Variants in CDH18 observed in about 807,000 individuals in gnomAD.
CDH18 encodes the protein cadherin 18, also known as cadherin-18.
A neutral mutation model predicts 67.9 loss-of-function variants in CDH18; 31 were observed. The observed-to-expected ratio is 0.46, with a 90% confidence interval of 0.34 to 0.62. CDH18 has a LOEUF of 0.62. Among genes scored for constraint, CDH18 ranks in the 20% least tolerant of loss-of-function variants. The pLI, the probability that CDH18 is intolerant of heterozygous loss-of-function variation, is 0.01. For synonymous variants in CDH18, 362 were observed against 347.2 expected (o/e 1.04, Z -0.48); for missense variants, 890 against 975.5 (o/e 0.91, Z 1.17).
chr5:20,184,346 C>A (rs1737927681), intron 2 of CDH18, among the ~76,000 whole-genome samples: 1 of 152,022 alleles, frequency 6.6e-6, no homozygotes, highest in Non-Finnish European at 1.5e-5. Flanking sequence ...ATGATAAAAT[C>A]AAATACAAGT....
chr5:20,025,465 A>G (rs1738814792), intron 2 of CDH18, among the ~76,000 whole-genome samples: 1 of 152,152 alleles, frequency 6.6e-6, no homozygotes, highest in African/African-American at 2.4e-5. Context: ...TTTATACTCA[A>G]TTGGTCACAT....
At chr5:19,974,288 T>G (rs919038095) in intron 2 of CDH18, among the ~76,000 whole-genome samples, 1 of 151,744 alleles carries the variant, frequency 6.6e-6, no homozygotes, top group Non-Finnish European at 1.5e-5. Context: ...TTCCACCAAT[T>G]TGGGAGGCCG....
intron 2 of CDH18, among the ~76,000 whole-genome samples, chr5:20,085,293 C>T (rs1234623564): frequency 6.6e-6 from 1 of 152,120 alleles, no homozygotes; most frequent in Admixed American, 6.5e-5. Flanking sequence ...CACCTTTGCT[C>T]CAGTTCCCAC....
intron 2 of CDH18, among the ~76,000 whole-genome samples, chr5:20,250,764 C>A (rs1470048350): frequency 6.6e-6 from 1 of 151,842 alleles, no homozygotes; most frequent in Non-Finnish European, 1.5e-5. Flanking sequence ...TGCCACCACA[C>A]CCAGATAATT....
chr5:20,410,371 A>G (rs1746663828), intron 1 of CDH18, among the ~76,000 whole-genome samples: 2 of 151,846 alleles, frequency 1.3e-5, no homozygotes, highest in Admixed American at 1.3e-4. Context: ...TTAACGAAAT[A>G]AAAACTTAAA....
intron 2 of CDH18, among the ~76,000 whole-genome samples, chr5:20,072,185 T>C (rs1424664277): frequency 6.6e-6 from 1 of 152,036 alleles, no homozygotes; most frequent in Non-Finnish European, 1.5e-5. Flanking sequence ...CAAGGAAAAC[T>C]ACACAGTAAC....
intron 2 of CDH18, among the ~76,000 whole-genome samples, chr5:20,129,781 C>A (rs1191519638): frequency 6.6e-6 from 1 of 151,934 alleles, no homozygotes; most frequent in Non-Finnish European, 1.5e-5. Context: ...CTGATGCAAG[C>A]CACTGATATT....
intron 2 of CDH18, among the ~76,000 whole-genome samples, chr5:20,254,279 A>T (rs1030144833): frequency 1.3e-5 from 2 of 151,978 alleles, no homozygotes; most frequent in Non-Finnish European, 2.9e-5. Context: ...CACCTAGCTA[A>T]TTTTTGTATT....
Position 19,686,923 on chromosome 5 carries a change from GCTGA to G in CDH18, c.643+34420_643+34423del, listed in dbSNP as rs780550357. Among the ~76,000 whole-genome samples the G allele has an allele frequency of 3.9e-5, 6 of 152,240 alleles. No homozygotes were observed. The East Asian group carries it at 5.8e-4, about 15-fold the overall frequency. ...ACAACACGGGAATAGTTTCAAAATG[GCTGA>G]CTAAGACATCTAGCACTAACCTCCT... is the stretch of plus-strand genomic sequence containing the variant. On this transcript the variant is annotated intron_variant, in intron 5 of 12. Transcript: ENST00000382275.
intron 1 of CDH18, among the ~76,000 whole-genome samples, chr5:20,453,243 C>A (rs1448125053): frequency 4.6e-5 from 7 of 152,144 alleles, no homozygotes; most frequent in Admixed American, 3.9e-4. Flanking sequence ...CCTTTCTGCT[C>A]ACTTACACCT....
chr5:19,850,807 A>G (rs1001616496), intron 2 of CDH18, among the ~76,000 whole-genome samples: 1 of 151,918 alleles, frequency 6.6e-6, no homozygotes, highest in Non-Finnish European at 1.5e-5. Flanking sequence ...GGCTTAGAAA[A>G]GTAACAGGTT....
intron 5 of CDH18, among the ~76,000 whole-genome samples, chr5:19,643,069 G>C (rs894107828): frequency 6.6e-6 from 1 of 151,974 alleles, no homozygotes; most frequent in African/African-American, 2.4e-5. Flanking sequence ...ATTGCTACCA[G>C]ATTAATATAA....
At chr5:20,012,628 C>A (rs1305391828) in intron 2 of CDH18, among the ~76,000 whole-genome samples, 1 of 151,980 alleles carries the variant, frequency 6.6e-6, no homozygotes, top group African/African-American at 2.4e-5. Context: ...AGAGATGACA[C>A]AAACAAATGG....
intron 2 of CDH18, among the ~76,000 whole-genome samples, chr5:20,159,853 C>A (rs1229357819): frequency 2.0e-5 from 3 of 152,154 alleles, no homozygotes; most frequent in Non-Finnish European, 2.9e-5. Flanking sequence ...AAGCCTACTG[C>A]AATGCACAAT....
intron 2 of CDH18, among the ~76,000 whole-genome samples, chr5:20,167,247 A>T (rs191541747): frequency 1.2e-4 from 19 of 152,244 alleles, no homozygotes; most frequent in African/African-American, 2.2e-4. Flanking sequence ...TTAAACACCA[A>T]ATAAATGCTT....
chr5:20,156,341 A>T (rs1169481819), intron 2 of CDH18, among the ~76,000 whole-genome samples: 1 of 152,182 alleles, frequency 6.6e-6, no homozygotes. Context: ...GTGTCCAACA[A>T]CTGATGAATG....
chr5:19,909,109 G>A (rs999655888), intron 2 of CDH18, among the ~76,000 whole-genome samples: 6 of 151,986 alleles, frequency 3.9e-5, no homozygotes, highest in Non-Finnish European at 7.4e-5. Flanking sequence ...AGAAATAGCC[G>A]TTTTCTGCAT....
At chr5:20,433,370 A>G (rs1371602751) in intron 1 of CDH18, among the ~76,000 whole-genome samples, 1 of 152,046 alleles carries the variant, frequency 6.6e-6, no homozygotes, top group Non-Finnish European at 1.5e-5. Context: ...TTAAAAATCA[A>G]ACCAAGCCTT....
At chr5:20,224,736 T>C (rs1741479357) in intron 2 of CDH18, among the ~76,000 whole-genome samples, 1 of 152,172 alleles carries the variant, frequency 6.6e-6, no homozygotes, top group African/African-American at 2.4e-5. Flanking sequence ...CTTCAAATTA[T>C]GATATAAAAT....
Sources: allele counts gnomAD v4.1 joint callset (sites outside exome capture counted in the v4.1 genomes callset), GRCh38; gene constraint gnomAD v4.1.1; transcripts MANE v1.5; gene names NCBI Gene and HGNC (gene_info 2026-07-23, HGNC 2026-07-21).